Variants in THEMIS observed in about 807,000 individuals in gnomAD.
The protein encoded by THEMIS is protein THEMIS.
Under a neutral mutation model 52.6 loss-of-function variants are expected in THEMIS, and 37 were observed. The ratio of observed to expected loss-of-function variants is 0.70; its 90% CI spans 0.54 to 0.93. The LOEUF is 0.93. Among genes scored for constraint, THEMIS ranks in the 40% least tolerant of loss-of-function variants. The probability of loss-of-function intolerance (pLI) is 0.00; values close to 1 mark genes in which losing one functional copy is unlikely to be tolerated. For missense variants in THEMIS, 808 were observed against 763.1 expected (o/e 1.06, Z -0.69); for synonymous variants, 292 against 272.7 (o/e 1.07, Z -0.70).
In THEMIS at chr6:127,788,902, G is replaced by A. The variant is rs534761934; in HGVS notation, c.1758+23981C>T. 3.9e-5 allele frequency among the ~76,000 whole-genome samples: 6 copies of A among 152,062 alleles called. No homozygotes were observed. In the South Asian group the frequency reaches 1.2e-3, roughly 32 times the overall value. On this transcript the variant is annotated intron_variant, in intron 4 of 5. Coordinates refer to ENST00000368248, the MANE Select transcript of THEMIS (RefSeq NM_001010923.3). ...GTAGTGTTTAGAGTGAAATTTATAG[G>A]ACTAAATGCCCACAGGAGAAAGCAA... is the stretch of plus-strand genomic sequence containing the variant.
chr6:127,841,337 A>G (rs1311438727), intron 2 of THEMIS, among the ~76,000 whole-genome samples: 1 of 152,038 alleles, frequency 6.6e-6, no homozygotes, highest in African/African-American at 2.4e-5. Flanking sequence ...AGAAGATCCA[A>G]TTGTTTAAGG....
chr6:127,761,226 G>A (rs950862173), intron 4 of THEMIS, among the ~76,000 whole-genome samples: 10 of 152,128 alleles, frequency 6.6e-5, no homozygotes, highest in African/African-American at 2.4e-4. Context: ...AGGATGTGAA[G>A]AAAAGGGAAC....
chr6:127,859,551 T>C (rs1779728207), intron 1 of THEMIS, among the ~76,000 whole-genome samples: 1 of 152,152 alleles, frequency 6.6e-6, no homozygotes. Context: ...CATTGTAAAA[T>C]GACAATTAAT....
chr6:127,829,747 TC>T lies in THEMIS; in HGVS notation c.437del (p.Gly146GlufsTer3). On this transcript the variant is annotated frameshift_variant, in exon 3 of 6. Coordinates refer to ENST00000368248, the MANE Select transcript of THEMIS (RefSeq NM_001010923.3). LOFTEE classifies it high-confidence loss of function. The stretch of plus-strand genomic sequence containing the variant: ...CTACTGCACAGCTCACCATTATTTC[TC>T]CATCAATCTCTTCAACTGAGTTGAG... ...IMLNSVEEID[G>X]EIMVSCAVAR... 6.2e-7 allele frequency: 1 copy of T among 1,614,128 alleles called. No homozygotes were observed. The highest frequency in any genetic ancestry group is 8.5e-7 in the Non-Finnish European group (1 of 1,180,012).
At chr6:127,850,064 A>C (rs955693712) in intron 2 of THEMIS, among the ~76,000 whole-genome samples, 2 of 152,078 alleles carry the variant, frequency 1.3e-5, no homozygotes, top group Admixed American at 6.6e-5. Context: ...AATCCCACCA[A>C]CAAGTGGGCA....
At chr6:127,766,792 T>C (rs1776214821) in intron 4 of THEMIS, among the ~76,000 whole-genome samples, 1 of 152,208 alleles carries the variant, frequency 6.6e-6, no homozygotes. Flanking sequence ...TACATCAATA[T>C]AAGGCACTTA....
At chr6:127,730,250 A>T (rs1215014764) in intron 4 of THEMIS, among the ~76,000 whole-genome samples, 1 of 147,030 alleles carries the variant, frequency 6.8e-6, no homozygotes, top group Non-Finnish European at 1.5e-5. Flanking sequence ...CCTGGGCAAC[A>T]GAGACAGACC....
intron 4 of THEMIS, among the ~76,000 whole-genome samples, chr6:127,777,293 T>C (rs2114466326): frequency 6.6e-6 from 1 of 152,312 alleles, no homozygotes; most frequent in South Asian, 2.1e-4. Context: ...AATTATCTTA[T>C]TAGTGTTACC....
intron 4 of THEMIS, among the ~76,000 whole-genome samples, chr6:127,775,133 G>T (rs74869560): frequency 0.069 from 10,577 of 152,198 alleles, 371 homozygotes; most frequent in Non-Finnish European, 0.086. Flanking sequence ...CCCTGGGGTG[G>T]TTCTTCTTGA....
At chr6:127,895,589 A>G (rs961596593) in intron 1 of THEMIS, among the ~76,000 whole-genome samples, 1 of 151,558 alleles carries the variant, frequency 6.6e-6, no homozygotes, top group East Asian at 1.9e-4. Flanking sequence ...AGCCTAGGAT[A>G]CATAAGAACT....
At chr6:127,711,783 G>T (rs1773991076) in intron 5 of THEMIS, among the ~76,000 whole-genome samples, 1 of 151,892 alleles carries the variant, frequency 6.6e-6, no homozygotes, top group African/African-American at 2.4e-5. Flanking sequence ...CTTCCTTACA[G>T]TGCTGCTTTT....
rs555215847 is a variant in THEMIS, at chr6:127,849,270, G to A, written c.250+5760C>T. 2.6e-4 allele frequency among the ~76,000 whole-genome samples: 39 copies of A among 152,010 alleles called. No individual in the cohort carries two copies. The South Asian group carries it at 3.5e-3, about 14-fold the overall frequency. The stretch of plus-strand genomic sequence containing the variant: ...GCATTATTTCTGAAGGCTCTGTTCC[G>A]TTCCATTGGTCTATATCACTGTTTT... On this transcript the variant is annotated intron_variant, in intron 2 of 5. Coordinates refer to ENST00000368248, the MANE Select transcript of THEMIS (RefSeq NM_001010923.3).
At position 127,717,636 on chromosome 6, in the gene THEMIS, C is replaced by T. The variant is rs139245315; in HGVS notation, c.1894+2052G>A. Among the ~76,000 whole-genome samples, 29 of 151,864 alleles carry T rather than the reference C, an allele frequency of 1.9e-4. 1 individual carries two copies. In the East Asian group the frequency reaches 3.9e-3, roughly 20 times the overall value. ...TGGAATAGAGTCTTATTACACAATT[C>T]GTGTTCAGTCATTCACAGCAAAATT... On this transcript the variant is annotated intron_variant, in intron 5 of 5. Coordinates refer to ENST00000368248, the MANE Select transcript of THEMIS (RefSeq NM_001010923.3).
At chr6:127,705,912 A>G (rs1773792036), downstream of THEMIS, among the ~76,000 whole-genome samples, 1 of 152,174 alleles carries the variant, frequency 6.6e-6, no homozygotes, top group Non-Finnish European at 1.5e-5. Context: ...TCAGGCTGGA[A>G]AGATTAGGTT....
intron 2 of THEMIS, among the ~76,000 whole-genome samples, chr6:127,842,711 T>C (rs1441090711): frequency 3.3e-5 from 5 of 151,986 alleles, no homozygotes; most frequent in Admixed American, 6.6e-5. Context: ...CTCAAAGGAA[T>C]TATTTTACAT....
chr6:127,727,767 T>C (rs1223392416), intron 4 of THEMIS, among the ~76,000 whole-genome samples: 1 of 152,140 alleles, frequency 6.6e-6, no homozygotes, highest in African/African-American at 2.4e-5. Context: ...GTTGCTAAAA[T>C]ATAAAATGCA....
intron 1 of THEMIS, among the ~76,000 whole-genome samples, chr6:127,867,945 A>AT (rs747033484): frequency 1.3e-5 from 2 of 149,282 alleles, no homozygotes; most frequent in African/African-American, 2.5e-5. Flanking sequence ...CACACACACA[A>AT]TTTTCTTTCT....
chr6:127,867,380 A>T (rs759935497), intron 1 of THEMIS, among the ~76,000 whole-genome samples: 1 of 152,136 alleles, frequency 6.6e-6, no homozygotes, highest in African/African-American at 2.4e-5. Flanking sequence ...TGAGAAGTAG[A>T]CAAGGTTTCT....
intron 1 of THEMIS, among the ~76,000 whole-genome samples, chr6:127,870,548 A>G (rs1480343225): frequency 6.6e-6 from 1 of 152,216 alleles, no homozygotes; most frequent in East Asian, 1.9e-4. Context: ...TTTTAAAAAC[A>G]AAGATTGGTA....
Sources: gnomAD v4.1 joint callset for allele counts (sites outside exome capture counted in the v4.1 genomes callset) on GRCh38, gnomAD v4.1.1 for gene constraint, MANE v1.5 for transcripts, NCBI Gene and HGNC (gene_info 2026-07-23, HGNC 2026-07-21) for gene names.